The following CLVS1 variants were observed in gnomAD, a reference collection of about 807,000 sequenced individuals.
CLVS1 encodes the protein clavesin-1.
CLVS1 carries 10 observed loss-of-function variants against 33.1 expected under a neutral mutation model. The ratio of observed to expected loss-of-function variants is 0.30; its 90% CI spans 0.19 to 0.51. The LOEUF (loss-of-function observed/expected upper bound fraction) is 0.51. CLVS1 is among the 20% of genes least tolerant of loss of function. The probability of loss-of-function intolerance (pLI) is 0.97; values close to 1 mark genes in which losing one functional copy is unlikely to be tolerated. For missense variants in CLVS1, 343 were observed against 433.4 expected, an observed-to-expected ratio of 0.79 and a Z score of 1.85; for synonymous variants, 163 against 166.1, an observed-to-expected ratio of 0.98 and a Z score of 0.14.
chr8:61,343,321 T>A (rs1337652029), intron 2 of CLVS1, among the ~76,000 whole-genome samples: 1 of 152,210 alleles, frequency 6.6e-6, no homozygotes, highest in East Asian at 1.9e-4. Context: ...AATTTTATTA[T>A]GGTTGTAGGT....
chr8:61,050,493 C>T, the CLVS1 span, among the ~76,000 whole-genome samples: 413 of 152,358 alleles, frequency 2.7e-3, 2 homozygotes, highest in African/African-American at 9.3e-3. Context: ...ACACAGTGTG[C>T]TGGGCCAACA....
chr8:61,457,725 C>T (rs1817218002), intron 4 of CLVS1, among the ~76,000 whole-genome samples: 1 of 152,020 alleles, frequency 6.6e-6, no homozygotes, highest in Non-Finnish European at 1.5e-5. Flanking sequence ...AGATATTTTC[C>T]CCCGTGGGGA....
chr8:61,376,089 T>C (rs1021438054), intron 2 of CLVS1, among the ~76,000 whole-genome samples: 18 of 152,244 alleles, frequency 1.2e-4, no homozygotes, highest in Admixed American at 5.2e-4. Flanking sequence ...ATAGCATCAA[T>C]GGCATGAATG....
intron 2 of CLVS1, among the ~76,000 whole-genome samples, chr8:61,241,677 A>T (rs975143152): frequency 1.3e-5 from 2 of 152,220 alleles, no homozygotes; most frequent in African/African-American, 4.8e-5. Context: ...ACTGTGTTGA[A>T]ATTTTTGCTT....
At chr8:61,048,165 T>C in the CLVS1 span, among the ~76,000 whole-genome samples, 7,408 of 152,164 alleles carry the variant, frequency 0.049, 224 homozygotes, top group South Asian at 0.075. Flanking sequence ...ACAGTAAACA[T>C]AGTTGGTCAA....
chr8:61,429,010 T>G lies in CLVS1; in HGVS notation c.631-25131T>G, dbSNP rs141602800. Among the ~76,000 whole-genome samples, 534 of 152,262 alleles carry G rather than the reference T, an allele frequency of 3.5e-3. 1 individual carries two copies. The highest frequency in any genetic ancestry group is 0.012 in the African/African-American group (486 of 41,552). On this transcript the variant is annotated intron_variant, in intron 3 of 5. Transcript: ENST00000325897. ...AGCAGAATACCTGAGACTGGGTAAT[T>G]TATACACGGTAGAAATTTATTTGGT...
At chr8:61,140,343 C>A (rs962036126) in intron 2 of CLVS1, among the ~76,000 whole-genome samples, 3 of 152,032 alleles carry the variant, frequency 2.0e-5, no homozygotes, top group Non-Finnish European at 4.4e-5. Context: ...AAATGAAAGC[C>A]GTCTCATTTG....
At chr8:61,268,587 G>A (rs1164383088) in intron 2 of CLVS1, among the ~76,000 whole-genome samples, 2 of 137,110 alleles carry the variant, frequency 1.5e-5, no homozygotes, top group East Asian at 2.3e-4. Flanking sequence ...CTGAGGAATC[G>A]CCACACTGAC....
At chr8:61,323,818 T>A (rs1399526157) in intron 2 of CLVS1, among the ~76,000 whole-genome samples, 1 of 152,190 alleles carries the variant, frequency 6.6e-6, no homozygotes, top group East Asian at 1.9e-4. Context: ...TGCACTCCAC[T>A]CTCCAATAGT....
chr8:60,986,013 C>T, the CLVS1 span, among the ~76,000 whole-genome samples: 26 of 152,168 alleles, frequency 1.7e-4, no homozygotes, highest in Admixed American at 2.6e-4. Flanking sequence ...TAAAAACAGA[C>T]ATTATGGAAC....
chr8:61,356,034 T>C (rs1812689696), intron 2 of CLVS1, among the ~76,000 whole-genome samples: 1 of 152,140 alleles, frequency 6.6e-6, no homozygotes, highest in Admixed American at 6.5e-5. Flanking sequence ...CCACCAACAG[T>C]GTAAAAGTGT....
chr8:61,472,842 T>TCTAC (rs1376430936), intron 5 of CLVS1, among the ~76,000 whole-genome samples: 2 of 152,110 alleles, frequency 1.3e-5, no homozygotes, highest in Non-Finnish European at 2.9e-5. Flanking sequence ...TAATAATAGA[T>TCTAC]CTACCTTATT....
intron 5 of CLVS1, among the ~76,000 whole-genome samples, chr8:61,484,265 A>C (rs951438976): frequency 6.6e-6 from 1 of 152,168 alleles, no homozygotes; most frequent in Non-Finnish European, 1.5e-5. Context: ...CAAAATCAAC[A>C]TGCAAAAATC....
In CLVS1 at chr8:61,338,680, C is replaced by T. The variant is rs79648847; in HGVS notation, c.456-37925C>T. On this transcript the variant is annotated intron_variant, in intron 2 of 5. Transcript: ENST00000325897. Reference sequence around the variant, plus strand: ...CAGATTCTCAAAGGAGCAGCTGGCCCGGTGTCTCTCTCCTTTCTGGTGTGG... The same window carrying T: ...CAGATTCTCAAAGGAGCAGCTGGCCTGGTGTCTCTCTCCTTTCTGGTGTGG... Among the ~76,000 whole-genome samples, 1,677 of 152,318 alleles carry T rather than the reference C, an allele frequency of 0.011. 93 individuals are homozygous for T. In the East Asian group the frequency reaches 0.18, roughly 16 times the overall value.
the CLVS1 span, among the ~76,000 whole-genome samples, chr8:61,036,650 G>T: frequency 1.3e-5 from 2 of 152,136 alleles, no homozygotes; most frequent in Admixed American, 6.5e-5. Context: ...CATGAGATCT[G>T]GTTTGCATGC....
chr8:61,456,640 G>T (rs367966134), intron 4 of CLVS1, among the ~76,000 whole-genome samples: 1 of 152,040 alleles, frequency 6.6e-6, no homozygotes, highest in Non-Finnish European at 1.5e-5. Flanking sequence ...ATATAGGCTG[G>T]GCGCGGTGGC....
At chr8:61,095,941 G>A (rs1805344127) in intron 1 of CLVS1, among the ~76,000 whole-genome samples, 1 of 152,148 alleles carries the variant, frequency 6.6e-6, no homozygotes, top group South Asian at 2.1e-4. Flanking sequence ...AAAAAGAATA[G>A]TAAACAACAG....
intron 2 of CLVS1, among the ~76,000 whole-genome samples, chr8:61,158,581 C>T (rs1806693206): frequency 6.6e-6 from 1 of 152,044 alleles, no homozygotes; most frequent in Non-Finnish European, 1.5e-5. Flanking sequence ...AATGAGGGGG[C>T]TCAGGTGGCC....
chr8:61,365,144 G>A lies in CLVS1; in HGVS notation c.456-11461G>A, dbSNP rs913213401. 2.0e-5 allele frequency among the ~76,000 whole-genome samples: 3 copies of A among 152,166 alleles called. No individual in the cohort carries two copies. The South Asian group carries it at 6.2e-4, about 31-fold the overall frequency. On this transcript the variant is annotated intron_variant, in intron 2 of 5. Coordinates refer to ENST00000325897, the MANE Select transcript of CLVS1 (RefSeq NM_173519.3). ...TATTATCCAATTTCTTATCCCAAAA[G>A]TGATTTTATGGTTATAAGAGTCAGG... is the stretch of plus-strand genomic sequence containing the variant.
Sources: allele counts gnomAD v4.1 joint callset (sites outside exome capture counted in the v4.1 genomes callset), GRCh38; gene constraint gnomAD v4.1.1; transcripts MANE v1.5; gene names NCBI Gene and HGNC (gene_info 2026-07-23, HGNC 2026-07-21).